Variants in FRMD3 observed in about 807,000 individuals in gnomAD.
FRMD3 encodes the protein FERM domain containing 3.
FRMD3 carries 33 observed loss-of-function variants against 70.2 expected under a neutral mutation model. The observed-to-expected ratio is 0.47, with a 90% CI of 0.36 to 0.63. The LOEUF (loss-of-function observed/expected upper bound fraction) is 0.63, where lower values mean the gene tolerates loss of function less well. FRMD3 is among the 20% of genes least tolerant of loss of function. The pLI, the probability that FRMD3 is intolerant of heterozygous loss-of-function variation, is 0.00. For missense variants in FRMD3, 632 were observed against 711.4 expected (o/e 0.89, Z 1.27); for synonymous variants, 279 against 255.9 (o/e 1.09, Z -0.86).
intron 1 of FRMD3, among the ~76,000 whole-genome samples, chr9:83,429,783 G>A (rs1826918207): frequency 6.6e-6 from 1 of 151,762 alleles, no homozygotes. Flanking sequence ...CCTGGTCCTG[G>A]GTCTTCGTCT....
chr9:83,311,962 G>C lies in FRMD3; in HGVS notation c.698C>G (p.Thr233Arg). The change falls in exon 8 of 14, where the codon ACA becomes AGA. Residue 233 changes from threonine (T) to arginine (R), a missense_variant. Coordinates refer to ENST00000304195, the MANE Select transcript of FRMD3 (RefSeq NM_174938.6). ...DPHPCKDSTG[T>R]TTFLGFTAAG... is the part of the protein sequence containing the mutation. ...AGCTGTGAATCCTAAAAATGTTGTT[G>C]TGCCTGTTGAATCCTGAAAAAAAAA... The C allele has an allele frequency of 6.3e-7, 1 of 1,589,726 alleles. No homozygotes were observed. The highest frequency in any genetic ancestry group is 1.1e-5 in the South Asian group (1 of 87,222).
intron 8 of FRMD3, among the ~76,000 whole-genome samples, chr9:83,311,440 C>A (rs533929810): frequency 6.6e-6 from 1 of 152,164 alleles, no homozygotes; most frequent in Non-Finnish European, 1.5e-5. Context: ...TTCCTACTAC[C>A]TTTTGCCAAA....
chr9:83,346,255 C>CAAAA lies in FRMD3; in HGVS notation c.375-2972_375-2969dup, dbSNP rs56163115. ...TGAGCGACAGAGCAAGACGCCATCT[C>CAAAA]AAAAAAAAAAAAAAAAAAAAAAAAG... On this transcript the variant is annotated intron_variant, in intron 4 of 13. Coordinates refer to ENST00000304195, the MANE Select transcript of FRMD3 (RefSeq NM_174938.6). 6.8e-3 allele frequency among the ~76,000 whole-genome samples: 419 copies of CAAAA among 61,980 alleles called. 11 individuals carry two copies. Among genetic ancestry groups the CAAAA allele is most frequent in the Middle Eastern group, 0.014 (1 of 74 alleles). 40.7% of individuals were successfully genotyped at this position (61,980 alleles called of 152,430 possible).
chr9:83,431,041 G>A (rs1826961104), intron 1 of FRMD3, among the ~76,000 whole-genome samples: 1 of 152,220 alleles, frequency 6.6e-6, no homozygotes, highest in Non-Finnish European at 1.5e-5. Flanking sequence ...GATAGGCAAA[G>A]CATGTCCAGC....
At position 83,538,374 on chromosome 9, in the gene FRMD3, C is replaced by T; in HGVS notation, c.-143G>A. The T allele has an allele frequency of 1.5e-6, 1 of 659,406 alleles. No individual in the cohort carries two copies. Among genetic ancestry groups the T allele is most frequent in the Non-Finnish European group, 2.1e-6 (1 of 466,776 alleles). 40.8% of individuals were successfully genotyped at this position (659,406 alleles called of 1,614,324 possible). ...ATCGGCAGCGTCGGGCGCCTGCGGA[C>T]ACACATGCCCAGCGGCCGGGGCGCG... On this transcript the variant is annotated 5_prime_UTR_variant, in exon 1 of 14. Coordinates refer to ENST00000304195, the MANE Select transcript of FRMD3 (RefSeq NM_174938.6). The surrounding 1 kb of genome is among the most constrained non-coding windows in gnomAD (Gnocchi z 4.7).
intron 13 of FRMD3, among the ~76,000 whole-genome samples, chr9:83,257,601 T>C (rs752556309): frequency 3.3e-5 from 5 of 152,148 alleles, no homozygotes; most frequent in Non-Finnish European, 7.3e-5. Context: ...TCTTTTTATA[T>C]TTTCTGGTTG....
At chr9:83,304,748 T>C (rs1835058835) in intron 10 of FRMD3, among the ~76,000 whole-genome samples, 2 of 152,210 alleles carry the variant, frequency 1.3e-5, no homozygotes, top group South Asian at 2.1e-4. Context: ...AATCCCTCAA[T>C]GCGTCCAGTG....
chr9:83,418,173 A>G (rs1207636400), intron 1 of FRMD3, among the ~76,000 whole-genome samples: 1 of 152,312 alleles, frequency 6.6e-6, no homozygotes, highest in East Asian at 1.9e-4. Context: ...GCTAAGGGAT[A>G]AAAGCCAGAC....
chr9:83,348,001 G>A (rs997202210), intron 4 of FRMD3, among the ~76,000 whole-genome samples: 2 of 152,258 alleles, frequency 1.3e-5, no homozygotes, highest in African/African-American at 4.8e-5. Flanking sequence ...TGAGAGGGGC[G>A]AGAAACTAGG....
intron 1 of FRMD3, among the ~76,000 whole-genome samples, chr9:83,414,086 G>A (rs998340829): frequency 3.9e-5 from 6 of 152,022 alleles, no homozygotes; most frequent in African/African-American, 1.4e-4. Context: ...ACACGAATTC[G>A]AGAGGCAAAT....
chr9:83,548,452 C>A, the FRMD3 span, among the ~76,000 whole-genome samples: 2 of 152,194 alleles, frequency 1.3e-5, no homozygotes, highest in Admixed American at 1.3e-4. Context: ...ATGCATATCA[C>A]TAAGTGAAAG....
At chr9:83,298,562 A>G (rs1587694284) in intron 12 of FRMD3, among the ~76,000 whole-genome samples, 186 bp downstream of exon 12, 1 of 152,368 alleles carries the variant, frequency 6.6e-6, no homozygotes, top group Non-Finnish European at 1.5e-5. Context: ...CTGAGAGCAC[A>G]TAACTCAAAG....
chr9:83,296,729 A>G (rs1834677166), intron 12 of FRMD3, among the ~76,000 whole-genome samples: 1 of 152,138 alleles, frequency 6.6e-6, no homozygotes, highest in African/African-American at 2.4e-5. Flanking sequence ...AAGGGAAACT[A>G]TGATTTGGTG....
intron 1 of FRMD3, among the ~76,000 whole-genome samples, chr9:83,395,625 C>T (rs1209092694): frequency 3.3e-5 from 5 of 152,128 alleles, no homozygotes; most frequent in Admixed American, 3.3e-4. Flanking sequence ...GGATAACTTT[C>T]CTTGATTCTC....
intron 13 of FRMD3, among the ~76,000 whole-genome samples, chr9:83,261,363 C>T (rs1459319974): frequency 6.6e-6 from 1 of 152,086 alleles, no homozygotes; most frequent in Admixed American, 6.5e-5. Context: ...TTTTGCTGAC[C>T]ATCTTGACAC....
At chr9:83,381,346 G>A (rs1206935840) in intron 2 of FRMD3, among the ~76,000 whole-genome samples, 1 of 152,192 alleles carries the variant, frequency 6.6e-6, no homozygotes. Context: ...CCTGAGGTCA[G>A]GAGATCGAGA....
chr9:83,507,687 CAT>C (rs60192207), intron 1 of FRMD3, among the ~76,000 whole-genome samples: 5,913 of 46,714 alleles, frequency 0.13, 524 homozygotes, highest in East Asian at 0.33. Flanking sequence ...AAAAAATATA[CAT>C]ACATATATAT....
intron 1 of FRMD3, among the ~76,000 whole-genome samples, chr9:83,410,576 T>C (rs1338288278): frequency 6.6e-6 from 1 of 152,236 alleles, no homozygotes; most frequent in Admixed American, 6.5e-5. Context: ...ATTCCATGTC[T>C]TTGCTATTGT....
chr9:83,444,950 T>C (rs548154058), intron 1 of FRMD3, among the ~76,000 whole-genome samples: 3 of 152,240 alleles, frequency 2.0e-5, no homozygotes, highest in Non-Finnish European at 4.4e-5. Context: ...ATACCTGTGG[T>C]TGGCTCTTTC....
Sources: allele counts gnomAD v4.1 joint callset (sites outside exome capture counted in the v4.1 genomes callset), GRCh38; gene constraint gnomAD v4.1.1; non-coding constraint Gnocchi (gnomAD v3.1); transcripts MANE v1.5; gene names NCBI Gene and HGNC (gene_info 2026-07-23, HGNC 2026-07-21).